Variants in DLC1 observed in about 807,000 individuals in gnomAD.
DLC1 encodes DLC1 Rho GTPase activating protein.
DLC1 carries 54 observed loss-of-function variants against 140.3 expected under a neutral mutation model. The observed-to-expected ratio is 0.38, with a 90% confidence interval of 0.31 to 0.48. The LOEUF (loss-of-function observed/expected upper bound fraction) is 0.48, where lower values mean the gene tolerates loss of function less well. DLC1 is among the 20% of genes least tolerant of loss of function. The pLI is 0.96. For missense variants in DLC1, 2,536 were observed against 1,907.0 expected (o/e 1.33, Z -6.14); for synonymous variants, 986 against 728.1 (o/e 1.35, Z -5.70).
intron 1 of DLC1, among the ~76,000 whole-genome samples, chr8:13,533,918 C>A (rs1803184685): frequency 1.3e-5 from 2 of 152,156 alleles, no homozygotes; most frequent in Admixed American, 1.3e-4. Context: ...TCCACCGTGA[C>A]TGTAAGTTTC....
chr8:13,178,358 C>G (rs1388325018), intron 5 of DLC1, among the ~76,000 whole-genome samples: 4 of 151,996 alleles, frequency 2.6e-5, no homozygotes, highest in Non-Finnish European at 5.9e-5. Flanking sequence ...GTCAGGAGAT[C>G]AAGACCATCC....
chr8:13,395,398 G>T (rs536524312), intron 3 of DLC1, among the ~76,000 whole-genome samples: 1 of 152,112 alleles, frequency 6.6e-6, no homozygotes, highest in Non-Finnish European at 1.5e-5. Context: ...GGGATTGCGC[G>T]CATGAGCCAC....
chr8:13,437,299 A>G (rs289621), intron 2 of DLC1, among the ~76,000 whole-genome samples: 12,993 of 152,270 alleles, frequency 0.085, 722 homozygotes, highest in African/African-American at 0.15. Context: ...CCTGATTTTC[A>G]CTAGACATGC....
intron 1 of DLC1, among the ~76,000 whole-genome samples, chr8:13,553,769 C>T (rs955842818): frequency 6.6e-6 from 1 of 152,088 alleles, no homozygotes; most frequent in Admixed American, 6.5e-5. Flanking sequence ...GTCTTTGATC[C>T]CTACACCTTC....
intron 8 of DLC1, 134 bp from the exon 9 acceptor site, chr8:13,100,904 G>T (rs983406791): frequency 2.9e-3 from 1,717 of 590,666 alleles, no homozygotes; most frequent in Non-Finnish European, 3.7e-3. Flanking sequence ...TAATTTTAAA[G>T]TTTTTTTTTT....
rs193233008 is a variant in DLC1 at position 13,465,725 on chromosome 8, A to G, written c.1023+33324T>C. Among the ~76,000 whole-genome samples, 146 of 152,322 alleles carry G rather than the reference A, an allele frequency of 9.6e-4. 2 individuals are homozygous for G. Among genetic ancestry groups the G allele is most frequent in the Non-Finnish European group, 1.5e-3 (101 of 68,038 alleles). On this transcript the variant is annotated intron_variant, in intron 2 of 17. Transcript: ENST00000276297. Reference sequence around the variant, plus strand: ...CTGTGTTTCTCTAAATAGATTTTCTAAATTTTAAGATATTCAAATATATCC... The same window carrying G: ...CTGTGTTTCTCTAAATAGATTTTCTGAATTTTAAGATATTCAAATATATCC...
chr8:13,132,855 AC>A (rs1822230156), intron 5 of DLC1: 1 of 1,479,528 alleles, frequency 6.8e-7, no homozygotes, highest in African/African-American at 1.4e-5. Flanking sequence ...CACCGACTTG[AC>A]AAGGCGGGGT....
chr8:13,298,920 C>A (rs1277059374), intron 5 of DLC1, among the ~76,000 whole-genome samples: 2 of 152,142 alleles, frequency 1.3e-5, no homozygotes, highest in African/African-American at 2.4e-5. Flanking sequence ...CTTTGTTTTG[C>A]ATGGGCTGCT....
chr8:13,373,695 C>T (rs145961371), intron 4 of DLC1, among the ~76,000 whole-genome samples: 1 of 152,240 alleles, frequency 6.6e-6, no homozygotes, highest in East Asian at 1.9e-4. Context: ...AAATGATGGT[C>T]ACTGGGAGAG....
intron 4 of DLC1, among the ~76,000 whole-genome samples, chr8:13,370,775 C>T (rs945889504): frequency 6.6e-6 from 1 of 152,144 alleles, no homozygotes; most frequent in African/African-American, 2.4e-5. Flanking sequence ...TCCCAAGCCT[C>T]ATATTCTTGT....
Position 13,448,345 on chromosome 8 carries a change from TTTCTTC to T in DLC1, c.1024-46732_1024-46727del, listed in dbSNP as rs146892447. ...ATCTTCTTTGCTGTATCTTTTAAAA[TTTCTTC>T]TTCTTCTTCTTCTTCTTCTTTTTTT... On this transcript the variant is annotated intron_variant, in intron 2 of 17. Coordinates refer to ENST00000276297, the MANE Select transcript of DLC1 (RefSeq NM_182643.3). 7.4e-3 allele frequency among the ~76,000 whole-genome samples: 1,083 copies of T among 146,854 alleles called. 6 individuals carry two copies. The highest frequency in any genetic ancestry group is 1.0e-2 in the Non-Finnish European group (669 of 67,100).
At chr8:13,202,687 T>C (rs189964991) in intron 5 of DLC1, among the ~76,000 whole-genome samples, 87 of 152,280 alleles carry the variant, frequency 5.7e-4, no homozygotes, top group Admixed American at 2.0e-3. Context: ...TTTAATTATT[T>C]ATTTTTGAGA....
chr8:13,441,011 T>C (rs1479700746), intron 2 of DLC1, among the ~76,000 whole-genome samples: 2 of 152,280 alleles, frequency 1.3e-5, no homozygotes, highest in South Asian at 2.1e-4. Context: ...ACTTTAATAA[T>C]GATATGTGAT....
chr8:13,540,708 C>T (rs1042011902), intron 1 of DLC1, among the ~76,000 whole-genome samples: 4 of 152,164 alleles, frequency 2.6e-5, no homozygotes, highest in African/African-American at 9.7e-5. Flanking sequence ...AGTAATGAGG[C>T]TGTGAAGACA....
intron 2 of DLC1, 70 bp from the exon 3 acceptor site, chr8:13,401,689 TC>T: frequency 6.5e-7 from 1 of 1,546,614 alleles, no homozygotes; most frequent in Non-Finnish European, 8.7e-7. Context: ...AGTTCCCTGT[TC>T]TTCAATGTGA....
chr8:13,505,267 G>C (rs1802003205), intron 1 of DLC1, among the ~76,000 whole-genome samples: 1 of 152,064 alleles, frequency 6.6e-6, no homozygotes, highest in African/African-American at 2.4e-5. Flanking sequence ...TGTGAGGAGT[G>C]AGATTAGGGA....
chr8:13,220,200 C>T (rs1313384373), intron 5 of DLC1, among the ~76,000 whole-genome samples: 1 of 151,918 alleles, frequency 6.6e-6, no homozygotes, highest in Non-Finnish European at 1.5e-5. Context: ...TATATTTTAC[C>T]ACAATAACAT....
chr8:13,539,990 T>G (rs1290263746), intron 1 of DLC1, among the ~76,000 whole-genome samples: 1 of 152,176 alleles, frequency 6.6e-6, no homozygotes, highest in Non-Finnish European at 1.5e-5. Flanking sequence ...ACAGGCATAT[T>G]TTAAAAACTC....
chr8:13,305,203 C>T (rs775991227), intron 5 of DLC1, 66 bp downstream of exon 5: 28 of 1,577,424 alleles, frequency 1.8e-5, no homozygotes, highest in Non-Finnish European at 4.3e-6. Flanking sequence ...AATAAAATGC[C>T]TATTTTAAGG....
Sources: allele counts gnomAD v4.1 joint callset (sites outside exome capture counted in the v4.1 genomes callset), GRCh38; gene constraint gnomAD v4.1.1; transcripts MANE v1.5; gene names NCBI Gene and HGNC (gene_info 2026-07-23, HGNC 2026-07-21).